Variants in RIN3 observed in about 807,000 individuals in gnomAD.
RIN3 encodes Ras and Rab interactor 3.
A neutral mutation model predicts 76.3 loss-of-function variants in RIN3; 54 were observed. That is an observed-to-expected ratio of 0.71 (90% CI 0.57 to 0.89). The LOEUF (loss-of-function observed/expected upper bound fraction) is 0.89, where lower values mean the gene tolerates loss of function less well. RIN3 is among the 40% of genes least tolerant of loss of function. RIN3 has a pLI of 0.00. For synonymous variants in RIN3, 576 were observed against 564.0 expected (o/e 1.02, Z -0.30); for missense variants, 1,256 against 1,322.1 (o/e 0.95, Z 0.78).
intron 3 of RIN3, among the ~76,000 whole-genome samples, chr14:92,611,369 A>G (rs7156409): frequency 0.5 from 76,210 of 151,856 alleles, 19,981 homozygotes; most frequent in Admixed American, 0.61. Flanking sequence ...TCTGCCTCCC[A>G]GGTTCAAGCG....
At chr14:92,607,195 A>G (rs952899907) in intron 3 of RIN3, among the ~76,000 whole-genome samples, 5 of 152,238 alleles carry the variant, frequency 3.3e-5, no homozygotes, top group African/African-American at 1.2e-4. Context: ...AATTAAAACC[A>G]CAATGAGATA....
chr14:92,679,108 T>TC (rs1478058440), intron 8 of RIN3, among the ~76,000 whole-genome samples: 2 of 152,214 alleles, frequency 1.3e-5, no homozygotes, highest in Admixed American at 6.5e-5. Flanking sequence ...CTGGGCTACT[T>TC]CAAGTATTTG....
chr14:92,534,239 ATTTTTTTT>A (rs34391787), intron 1 of RIN3, among the ~76,000 whole-genome samples: 3 of 126,590 alleles, frequency 2.4e-5, no homozygotes, highest in Non-Finnish European at 5.0e-5. Context: ...GAGTCATGTC[ATTTTTTTT>A]TTTTTTTTTT....
chr14:92,526,947 A>G (rs1896748976), intron 1 of RIN3, among the ~76,000 whole-genome samples: 2 of 151,780 alleles, frequency 1.3e-5, no homozygotes, highest in South Asian at 4.2e-4. Flanking sequence ...GGCCCAGGCA[A>G]TGCCTGGGGT....
chr14:92,614,252 C>T (rs1440710393), intron 3 of RIN3, among the ~76,000 whole-genome samples: 1 of 152,152 alleles, frequency 6.6e-6, no homozygotes, highest in Non-Finnish European at 1.5e-5. Context: ...TCTGAGAGGC[C>T]CTGGAGATCT....
At chr14:92,607,601 C>G (rs945047758) in intron 3 of RIN3, among the ~76,000 whole-genome samples, 4 of 152,112 alleles carry the variant, frequency 2.6e-5, no homozygotes, top group African/African-American at 9.7e-5. Flanking sequence ...AGAGTGAGAC[C>G]CCTTCCCCAA....
At position 92,652,365 on chromosome 14, in the gene RIN3, A is replaced by G. The variant is rs1887484523; in HGVS notation, c.1316A>G (p.Lys439Arg). The G allele has an allele frequency of 6.2e-7, 1 of 1,608,294 alleles. No homozygotes were observed. Among genetic ancestry groups the G allele is most frequent in the Non-Finnish European group, 8.5e-7 (1 of 1,176,900 alleles). The change falls in exon 6 of 10, where the codon AAA (lysine) becomes AGA (arginine). Residue 439 changes from lysine to arginine, a missense_variant. Transcript: ENST00000216487. The surrounding 1 kb of genome is among the most constrained non-coding windows in gnomAD (Gnocchi z 6.4). Reference protein sequence around the residue: ...STEQGQDTEVKASDPHSMPEL... With the variant: ...STEQGQDTEVRASDPHSMPEL... The stretch of plus-strand genomic sequence containing the variant: ...GAGCAAGGCCAGGACACAGAGGTGA[A>G]AGCCAGCGATCCTCACAGCATGCCA...
At chr14:92,613,597 G>C (rs1354884427) in intron 3 of RIN3, among the ~76,000 whole-genome samples, 1 of 152,184 alleles carries the variant, frequency 6.6e-6, no homozygotes, top group Non-Finnish European at 1.5e-5. Context: ...CTCTAATGCT[G>C]TGGAGTGCAG....
intron 3 of RIN3, among the ~76,000 whole-genome samples, chr14:92,597,428 TGTTTTCCATG>T (rs146703918): frequency 7.1e-4 from 108 of 152,308 alleles, no homozygotes; most frequent in African/African-American, 2.3e-3. Context: ...ATCGGTCAAG[TGTTTTCCATG>T]GTTTTCTTTG....
chr14:92,661,918 G>A lies in RIN3; in HGVS notation c.2335+2449G>A, dbSNP rs149309389. ...TTTTCACAGAGTGGACATTAGGCTC[G>A]GAGGTCGGGTGTCTTGTGCAGCCTA... is the stretch of plus-strand genomic sequence containing the variant. On this transcript the variant is annotated intron_variant, in intron 7 of 9. Coordinates refer to ENST00000216487, the MANE Select transcript of RIN3 (RefSeq NM_024832.5). Among the ~76,000 whole-genome samples, 443 of 152,332 alleles carry A rather than the reference G, an allele frequency of 2.9e-3. 11 individuals carry two copies. The South Asian group carries it at 0.042, about 14-fold the overall frequency.
At chr14:92,532,852 A>T (rs958278169) in intron 1 of RIN3, among the ~76,000 whole-genome samples, 1 of 152,162 alleles carries the variant, frequency 6.6e-6, no homozygotes, top group Non-Finnish European at 1.5e-5. Flanking sequence ...GGAAGTGGGC[A>T]TGGGAGTTGG....
At chr14:92,625,632 C>G (rs1194077272) in intron 4 of RIN3, among the ~76,000 whole-genome samples, 1 of 152,178 alleles carries the variant, frequency 6.6e-6, no homozygotes, top group Non-Finnish European at 1.5e-5. Context: ...AAGCACCTAT[C>G]CTGTCCTCCC....
At position 92,652,425 on chromosome 14, in the gene RIN3, C is replaced by T. The variant is rs750573436; in HGVS notation, c.1376C>T (p.Pro459Leu). 118 of 1,613,840 alleles carry T rather than the reference C, an allele frequency of 7.3e-5. No individual in the cohort carries two copies. The highest frequency in any genetic ancestry group is 9.2e-5 in the Non-Finnish European group (109 of 1,179,934). Reference sequence around the variant, plus strand: ...AGGACAGCCAAACAACCCCCAGTCCCGCCCCCCAGGAAAAAACGGATCTCT... The same window carrying T: ...AGGACAGCCAAACAACCCCCAGTCCTGCCCCCCAGGAAAAAACGGATCTCT... ...LPRTAKQPPVPPPRKKRISRQ... is the reference protein window; with the variant it reads ...LPRTAKQPPVLPPRKKRISRQ... The change falls in exon 6 of 10, where the codon CCG becomes CTG. Residue 459 changes from proline (P) to leucine (L), a missense_variant. Pro to Leu is a moderately conservative substitution (Grantham distance 98). This residue lies in a region of RIN3 where 610 missense variants were observed against 626.4 expected (regional missense o/e 0.97). Transcript: ENST00000216487. This position sits in a 1 kb window ranked among gnomAD's most constrained non-coding sequence, Gnocchi z 6.4.
At chr14:92,604,036 G>A (rs74591527) in intron 3 of RIN3, among the ~76,000 whole-genome samples, 2 of 152,342 alleles carry the variant, frequency 1.3e-5, no homozygotes, top group Non-Finnish European at 2.9e-5. Flanking sequence ...TGGCAACTGC[G>A]GTGTTGCTGG....
At position 92,655,555 on chromosome 14, in the gene RIN3, G is replaced by A. The variant is rs764900261; in HGVS notation, c.2026+2480G>A. ...GGGGTCGTGCAGGGTTCACGTCCAA[G>A]GGTGAGTGACCTCACTCACATGTGA... On this transcript the variant is annotated intron_variant, in intron 6 of 9. Transcript: ENST00000216487. 3.9e-5 allele frequency among the ~76,000 whole-genome samples: 6 copies of A among 152,368 alleles called. No homozygotes were observed. The South Asian group carries it at 1.0e-3, about 26-fold the overall frequency.
intron 1 of RIN3, among the ~76,000 whole-genome samples, chr14:92,547,097 A>ATT (rs1476098533): frequency 2.0e-5 from 1 of 49,902 alleles, no homozygotes; most frequent in South Asian, 6.0e-4. Flanking sequence ...ATTATATTAT[A>ATT]ATTAAATAAA....
chr14:92,515,428 G>T, intron 1 of RIN3: 1 of 534,778 alleles, frequency 1.9e-6, no homozygotes, highest in Non-Finnish European at 3.3e-6. Flanking sequence ...ACTTCCTCTT[G>T]TCTTTTTTTG....
rs1888815694 is a variant in RIN3 at position 92,685,322 on chromosome 14, AGT to A, written c.2631+179_2631+180del. On this transcript the variant is annotated intron_variant, in intron 9 of 9. Transcript: ENST00000216487. The surrounding 1 kb of genome is among the most constrained non-coding windows in gnomAD (Gnocchi z 4.7). ...GGAAGGGCCCCCAGCCCCTGCTGCC[AGT>A]GTGTGTCCAGGACTTGGGTGCGTCT... The A allele has an allele frequency of 3.0e-6, 2 of 662,670 alleles. No homozygotes were observed. Among genetic ancestry groups the A allele is most frequent in the East Asian group, 2.8e-5 (1 of 36,360 alleles). 41.0% of individuals were successfully genotyped at this position (662,670 alleles called of 1,614,324 possible). A position where few individuals can be genotyped will look rare whatever the true frequency, so the allele number is the denominator to read the frequency against.
At chr14:92,602,209 G>A (rs929875910) in intron 3 of RIN3, among the ~76,000 whole-genome samples, 3 of 152,214 alleles carry the variant, frequency 2.0e-5, no homozygotes, top group African/African-American at 4.8e-5. Flanking sequence ...AAATCATGAT[G>A]TGCTGTAATC....
Sources: allele counts gnomAD v4.1 joint callset (sites outside exome capture counted in the v4.1 genomes callset), GRCh38; gene constraint gnomAD v4.1.1; regional missense constraint gnomAD v4.1.1; non-coding constraint Gnocchi (gnomAD v3.1); transcripts MANE v1.5; gene names NCBI Gene and HGNC (gene_info 2026-07-23, HGNC 2026-07-21).